Variants in LSP1 observed in about 807,000 individuals in gnomAD.
LSP1 encodes lymphocyte-specific protein 1.
Under a neutral mutation model 49.3 loss-of-function variants are expected in LSP1, and 32 were observed. The observed-to-expected ratio is 0.65, with a 90% CI of 0.49 to 0.87. The LOEUF (loss-of-function observed/expected upper bound fraction) is 0.87, where lower values mean the gene tolerates loss of function less well. Ranked by LOEUF, LSP1 falls within the 40% of genes least tolerant of loss-of-function variation. LSP1 has a pLI of 0.00. For missense variants in LSP1, 428 were observed against 442.6 expected (o/e 0.97, Z 0.30); for synonymous variants, 179 against 178.8 (o/e 1.00, Z -0.01).
chr11:1,856,379 G>A (rs1029314648), intron 1 of LSP1, among the ~76,000 whole-genome samples: 4 of 152,246 alleles, frequency 2.6e-5, no homozygotes, highest in African/African-American at 9.6e-5. Context: ...TTTGGAAGGT[G>A]TCAGAGCCCT....
At chr11:1,868,506 G>T (rs1565075261) in intron 1 of LSP1, among the ~76,000 whole-genome samples, 1 of 152,220 alleles carries the variant, frequency 6.6e-6, no homozygotes. Context: ...GGACCTCTGG[G>T]GCTCCTGATG....
At chr11:1,875,089 C>T (rs117248447) in intron 1 of LSP1, among the ~76,000 whole-genome samples, 2,304 of 149,106 alleles carry the variant, frequency 0.015, 39 homozygotes, top group South Asian at 0.023. Context: ...ATGGGGGCTT[C>T]GGCATGTAAA....
rs1028447232 is a variant in LSP1, at chr11:1,883,997, C to T, written c.564C>T (p.Ser188=). ...TCTTGGAGGGGACCATCGAACAGAG[C>T]TCGCCTCCCCTGAGCCCTACCACCA... ...PLVLEGTIEQ[S]SPPLSPTTKL... is the part of the protein sequence containing the mutation. The change falls in exon 5 of 11, where the codon AGC becomes AGT. Residue 188 remains serine, a synonymous_variant. Transcript: ENST00000311604. 2 of 1,612,882 alleles carry T rather than the reference C, an allele frequency of 1.2e-6. No individual in the cohort carries two copies. Among genetic ancestry groups the T allele is most frequent in the Admixed American group, 1.7e-5 (1 of 59,810 alleles).
At chr11:1,874,619 C>T (rs1589819953) in intron 1 of LSP1, among the ~76,000 whole-genome samples, 2 of 151,978 alleles carry the variant, frequency 1.3e-5, no homozygotes, top group African/African-American at 4.8e-5. Context: ...CCTGAGCCAG[C>T]GTGGGAGGGA....
chr11:1,858,228 G>A (rs532572250), intron 1 of LSP1, among the ~76,000 whole-genome samples: 11 of 152,278 alleles, frequency 7.2e-5, no homozygotes, highest in African/African-American at 1.2e-4. Flanking sequence ...TGTGGGGTTC[G>A]GGTGCTGAGG....
At chr11:1,877,582 ACAGTCAACGT>A (rs1417913234) in intron 1 of LSP1, among the ~76,000 whole-genome samples, 1 of 152,324 alleles carries the variant, frequency 6.6e-6, no homozygotes, top group Non-Finnish European at 1.5e-5. Context: ...GGCAAGGCAA[ACAGTCAACGT>A]TTGCCTCACT....
chr11:1,860,143 T>G (rs1847588267), intron 1 of LSP1, among the ~76,000 whole-genome samples: 1 of 152,110 alleles, frequency 6.6e-6, no homozygotes, highest in Admixed American at 6.5e-5. Flanking sequence ...ATGTCTTAGT[T>G]GCATAAGAAA....
At position 1,876,985 on chromosome 11, in the gene LSP1, G is replaced by A. The variant is rs1173966764; in HGVS notation, c.54-3102G>A. On this transcript the variant is annotated intron_variant, in intron 1 of 10. Coordinates refer to ENST00000311604, the MANE Select transcript of LSP1 (RefSeq NM_002339.3). ...CCTGGCCCCTTGGGCTGAACCTTGG[G>A]CTTCGGAGCCAGAACAGACACAGGA... Among the ~76,000 whole-genome samples the A allele has an allele frequency of 7.2e-5, 11 of 152,334 alleles. No homozygotes were observed. In the East Asian group the frequency reaches 1.9e-3, roughly 27 times the overall value.
At chr11:1,867,690 T>C (rs1847839748) in intron 1 of LSP1, among the ~76,000 whole-genome samples, 1 of 152,096 alleles carries the variant, frequency 6.6e-6, no homozygotes, top group Admixed American at 6.5e-5. Flanking sequence ...GCAGGCAAAG[T>C]GCTGTGTCCT....
rs1847401081 is a variant in LSP1 at position 1,853,112 on chromosome 11, G to A, written c.-33G>A. ...GCACGTACACCCACTCCAGGGATCTGCCAGCACCCTGTGGGGCCCAGACTA... is the reference window on the plus strand; with the variant it reads ...GCACGTACACCCACTCCAGGGATCTACCAGCACCCTGTGGGGCCCAGACTA... On this transcript the variant is annotated 5_prime_UTR_variant, in exon 1 of 11. Coordinates refer to ENST00000311604, the MANE Select transcript of LSP1 (RefSeq NM_002339.3). The A allele has an allele frequency of 6.2e-7, 1 of 1,600,898 alleles. No homozygotes were observed. The highest frequency in any genetic ancestry group is 1.1e-5 in the South Asian group (1 of 88,796).
chr11:1,882,517 T>TC (rs966528531), intron 3 of LSP1, among the ~76,000 whole-genome samples: 4 of 151,484 alleles, frequency 2.6e-5, no homozygotes, highest in Admixed American at 6.6e-5. Context: ...GGCCTCAGTC[T>TC]CCCCCCTACG....
chr11:1,881,924 C>T (rs1389887686), intron 3 of LSP1, among the ~76,000 whole-genome samples: 2 of 152,164 alleles, frequency 1.3e-5, no homozygotes, highest in Non-Finnish European at 2.9e-5. Flanking sequence ...TGGGCCCCAT[C>T]CAGGCAGCTG....
At chr11:1,885,475 ACTTCATCCAGTCAATGCCC>A (rs1848717433) in intron 7 of LSP1, among the ~76,000 whole-genome samples, 1 of 146,038 alleles carries the variant, frequency 6.8e-6, no homozygotes, top group Admixed American at 6.8e-5. Context: ...AACCAAAACA[ACTTCATCCAGTCAATGCCC>A]CTCCATCCAA....
At chr11:1,855,709 C>T (rs1238016028) in intron 1 of LSP1, among the ~76,000 whole-genome samples, 3 of 152,214 alleles carry the variant, frequency 2.0e-5, no homozygotes, top group Non-Finnish European at 4.4e-5. Flanking sequence ...ACTCCTGTCT[C>T]GCCCCGCTGT....
chr11:1,868,779 A>C, intron 1 of LSP1: 2 of 985,830 alleles, frequency 2.0e-6, no homozygotes, highest in Non-Finnish European at 2.4e-6. Context: ...GCAGGGTGTC[A>C]GGGCCAGAGC....
chr11:1,870,809 G>C (rs960057612), intron 1 of LSP1: 1 of 988,150 alleles, frequency 1.0e-6, no homozygotes, highest in Non-Finnish European at 1.2e-6. Flanking sequence ...GCAGAGCCTC[G>C]AGCCGTTGCC....
intron 1 of LSP1, chr11:1,876,485 TCA>T (rs1331560176): frequency 1.0e-6 from 1 of 985,448 alleles, no homozygotes; most frequent in African/African-American, 1.7e-5. Flanking sequence ...CAGAGCCTCC[TCA>T]CTCCCCAGGA....
chr11:1,878,479 G>T (rs1010320719), intron 1 of LSP1, among the ~76,000 whole-genome samples: 1 of 149,808 alleles, frequency 6.7e-6, no homozygotes, highest in Non-Finnish European at 1.5e-5. Flanking sequence ...GGATTCGGGG[G>T]CGCGGGGGGC....
intron 1 of LSP1, 54 bp from the exon 2 acceptor site, chr11:1,880,033 A>ATCAT: frequency 6.3e-7 from 1 of 1,599,558 alleles, no homozygotes; most frequent in Admixed American, 1.7e-5. Flanking sequence ...GAATGGGTGC[A>ATCAT]AAACAGCACC....
Sources: gnomAD v4.1 joint callset for allele counts (sites outside exome capture counted in the v4.1 genomes callset) on GRCh38, gnomAD v4.1.1 for gene constraint, MANE v1.5 for transcripts, NCBI Gene and HGNC (gene_info 2026-07-23, HGNC 2026-07-21) for gene names.